GNAO1: variants seen among roughly 807,000 people sequenced by gnomAD.
GNAO1 encodes G protein subunit alpha o1.
For missense variants in GNAO1, 166 were observed against 478.7 expected (o/e 0.35, Z 6.10); for synonymous variants, 164 against 180.7 (o/e 0.91, Z 0.74).
chr16:56,235,772 C>A (rs2036632167), intron 2 of GNAO1, among the ~76,000 whole-genome samples: 1 of 152,146 alleles, frequency 6.6e-6, no homozygotes, highest in Admixed American at 6.5e-5. Context: ...TTGTAGGTAG[C>A]CACTTGCCCT....
At position 56,355,071 on chromosome 16, in the gene GNAO1, C is replaced by T. The variant is rs2037955034; in HGVS notation, c.*18C>T. 1.9e-6 allele frequency: 3 copies of T among 1,566,060 alleles called. No individual in the cohort carries two copies. The highest frequency in any genetic ancestry group is 2.6e-6 in the Non-Finnish European group (3 of 1,141,934). ...TGTACTGACCTCTTGTCCTGTATAG[C>T]AACCTATTTGGTAATGATTCCAGCA... On this transcript the variant is annotated 3_prime_UTR_variant, in exon 8 of 9. Coordinates refer to ENST00000262493, the MANE Select transcript of GNAO1 (RefSeq NM_020988.3).
At chr16:56,270,877 T>A (rs1168372373) in intron 2 of GNAO1, 1 of 152,170 alleles carries the variant, frequency 6.6e-6, no homozygotes, top group Non-Finnish European at 1.5e-5. Flanking sequence ...TGGGACTTGA[T>A]TCTGCACTCA....
Position 56,208,446 on chromosome 16 carries a change from T to C in GNAO1, c.161+15830T>C, listed in dbSNP as rs1038248027. On this transcript the variant is annotated intron_variant, in intron 2 of 8. Transcript: ENST00000262493. The stretch of plus-strand genomic sequence containing the variant: ...GTGTGTGTGTGTGTGTGTGTGTGTG[T>C]GTGCGCGCGCGCGCACGTGTGTGTG... Among the ~76,000 whole-genome samples the C allele has an allele frequency of 4.4e-3, 611 of 137,618 alleles. 4 individuals are homozygous for C. Among genetic ancestry groups the C allele is most frequent in the African/African-American group, 0.016 (579 of 36,518 alleles). 90.3% of individuals were successfully genotyped at this position (137,618 alleles called of 152,430 possible). A position where few individuals can be genotyped will look rare whatever the true frequency, so the allele number is the denominator to read the frequency against.
intron 6 of GNAO1, chr16:56,344,519 C>T: frequency 1.0e-6 from 1 of 988,624 alleles, no homozygotes; most frequent in Non-Finnish European, 1.2e-6. Context: ...TGGGTCTCAG[C>T]CCTTCCTTCT....
At chr16:56,226,744 G>A (rs563252997) in intron 2 of GNAO1, among the ~76,000 whole-genome samples, 46 of 152,256 alleles carry the variant, frequency 3.0e-4, no homozygotes, top group African/African-American at 1.1e-3. Flanking sequence ...TATGAGTTTG[G>A]TGGTTTCTTC....
intron 6 of GNAO1, among the ~76,000 whole-genome samples, chr16:56,341,590 C>T (rs1408145894): frequency 5.3e-5 from 8 of 152,340 alleles, no homozygotes; most frequent in African/African-American, 1.9e-4. Flanking sequence ...GGGGCTGCTG[C>T]AAGACTCAAA....
chr16:56,324,276 G>C (rs996611691), intron 3 of GNAO1, among the ~76,000 whole-genome samples: 1 of 152,206 alleles, frequency 6.6e-6, no homozygotes, highest in African/African-American at 2.4e-5. Context: ...CTCCTACAAA[G>C]CCTGTTGTGG....
intron 2 of GNAO1, among the ~76,000 whole-genome samples, chr16:56,268,680 C>G (rs1162663541): frequency 6.6e-6 from 1 of 152,164 alleles, no homozygotes; most frequent in Non-Finnish European, 1.5e-5. Context: ...ATTAATACAT[C>G]TTGTTACACA....
chr16:56,196,549 C>G (rs556774964), intron 2 of GNAO1, among the ~76,000 whole-genome samples: 1 of 152,212 alleles, frequency 6.6e-6, no homozygotes, highest in Non-Finnish European at 1.5e-5. Flanking sequence ...GTGACACCCA[C>G]TTGGACCATG....
At chr16:56,258,597 C>T (rs187753350) in intron 2 of GNAO1, among the ~76,000 whole-genome samples, 1 of 152,332 alleles carries the variant, frequency 6.6e-6, no homozygotes, top group African/African-American at 2.4e-5. Flanking sequence ...TCCTAGAGTC[C>T]TGGAACTTGC....
At chr16:56,269,933 A>G (rs918011581) in intron 2 of GNAO1, among the ~76,000 whole-genome samples, 1 of 152,180 alleles carries the variant, frequency 6.6e-6, no homozygotes, top group Non-Finnish European at 1.5e-5. Flanking sequence ...CTGTGACCAT[A>G]TAAGGCCAGC....
intron 2 of GNAO1, among the ~76,000 whole-genome samples, chr16:56,206,110 G>C (rs1044380687): frequency 1.3e-5 from 2 of 152,012 alleles, no homozygotes; most frequent in Non-Finnish European, 2.9e-5. Flanking sequence ...CACAAAGTCA[G>C]GAGATCCAGA....
intron 3 of GNAO1, chr16:56,306,950 G>GC (rs1259596298): frequency 1.3e-5 from 2 of 152,608 alleles, no homozygotes; most frequent in Non-Finnish European, 2.9e-5. Context: ...TTGGGAGCCT[G>GC]CTGTGCCTCT....
At chr16:56,312,020 C>T (rs1246718874) in intron 3 of GNAO1, among the ~76,000 whole-genome samples, 1 of 152,202 alleles carries the variant, frequency 6.6e-6, no homozygotes, top group African/African-American at 2.4e-5. Context: ...GGAGAGGTCC[C>T]AGGGGCCAGC....
chr16:56,271,325 G>T (rs1356778168), intron 2 of GNAO1, among the ~76,000 whole-genome samples: 1 of 152,226 alleles, frequency 6.6e-6, no homozygotes, highest in Admixed American at 6.5e-5. Flanking sequence ...AAGGTTAAAT[G>T]AAATGACACA....
intron 2 of GNAO1, among the ~76,000 whole-genome samples, chr16:56,202,877 T>C (rs1372344709): frequency 1.3e-5 from 2 of 152,236 alleles, no homozygotes; most frequent in African/African-American, 4.8e-5. Context: ...TTCTGGGTGC[T>C]CGGAGTGTCA....
chr16:56,335,190 G>C (rs1308752435), intron 5 of GNAO1, among the ~76,000 whole-genome samples: 1 of 152,170 alleles, frequency 6.6e-6, no homozygotes, highest in African/African-American at 2.4e-5. Context: ...GTCACCTTGG[G>C]GGGAGGAGCC....
intron 2 of GNAO1, among the ~76,000 whole-genome samples, chr16:56,226,199 A>G (rs2143382914): frequency 6.6e-6 from 1 of 152,278 alleles, no homozygotes; most frequent in South Asian, 2.1e-4. Flanking sequence ...TGGGTGAAAG[A>G]TGGTGGTAAC....
At chr16:56,312,147 A>G (rs1309355933) in intron 3 of GNAO1, among the ~76,000 whole-genome samples, 1 of 152,108 alleles carries the variant, frequency 6.6e-6, no homozygotes. Flanking sequence ...TCGGAAGACC[A>G]GGCCACTAAA....
Sources: allele counts gnomAD v4.1 joint callset (sites outside exome capture counted in the v4.1 genomes callset), GRCh38; gene constraint gnomAD v4.1.1; transcripts MANE v1.5; gene names NCBI Gene and HGNC (gene_info 2026-07-23, HGNC 2026-07-21).